SPATA21: variants seen among roughly 807,000 people sequenced by gnomAD.
SPATA21 encodes the protein spermatogenesis-associated protein 21.
Under a neutral mutation model 54.8 loss-of-function variants are expected in SPATA21, and 47 were observed. The ratio of observed to expected loss-of-function variants is 0.86; its 90% confidence interval spans 0.68 to 1.09. The LOEUF (loss-of-function observed/expected upper bound fraction) is 1.09, where lower values mean the gene tolerates loss of function less well. Among genes scored for constraint, SPATA21 ranks in the 50% least tolerant of loss-of-function variants. The pLI is 0.00. For missense variants in SPATA21, 599 were observed against 596.4 expected, an observed-to-expected ratio of 1.00 and a Z score of -0.05; for synonymous variants, 245 against 235.3, an observed-to-expected ratio of 1.04 and a Z score of -0.38.
chr1:16,424,400 T>C (rs1032814787), intron 3 of SPATA21, among the ~76,000 whole-genome samples: 3 of 151,308 alleles, frequency 2.0e-5, no homozygotes, highest in African/African-American at 7.3e-5. Context: ...CATATCTTTT[T>C]AAAATTTTTT....
chr1:16,430,473 GA>G (rs1557674186), intron 3 of SPATA21, among the ~76,000 whole-genome samples: 2 of 152,058 alleles, frequency 1.3e-5, no homozygotes, highest in Admixed American at 6.6e-5. Flanking sequence ...ATATTTGATG[GA>G]AAGAGGCTGA....
In SPATA21 at chr1:16,407,536, T is replaced by C. The variant is rs546894722; in HGVS notation, c.673+1582A>G. Among the ~76,000 whole-genome samples the C allele has an allele frequency of 9.3e-5, 14 of 151,202 alleles. No individual in the cohort carries two copies. The East Asian group carries it at 2.7e-3, about 30-fold the overall frequency. On this transcript the variant is annotated intron_variant, in intron 7 of 12. Coordinates refer to ENST00000335496, the MANE Select transcript of SPATA21 (RefSeq NM_198546.1). Reference sequence around the variant, plus strand: ...GTGCAGTAGCGCGATCTTGGCTCACTGCAACCTCCACTTCCCAGGTTCAAG... The same window carrying C: ...GTGCAGTAGCGCGATCTTGGCTCACCGCAACCTCCACTTCCCAGGTTCAAG...
chr1:16,399,627 G>A, intron 11 of SPATA21, 106 bp from the exon 12 acceptor site: 1 of 1,314,410 alleles, frequency 7.6e-7, no homozygotes, highest in Non-Finnish European at 1.0e-6. Context: ...TGACCTGAGT[G>A]GTTTGGGGCA....
chr1:16,408,405 A>G, intron 7 of SPATA21: 1 of 933,932 alleles, frequency 1.1e-6, no homozygotes, highest in Non-Finnish European at 1.3e-6. Flanking sequence ...TAGGATGGGC[A>G]GGGTTCCTGG....
intron 5 of SPATA21, among the ~76,000 whole-genome samples, chr1:16,411,771 C>T (rs534961368): frequency 3.1e-5 from 4 of 128,788 alleles, no homozygotes; most frequent in Admixed American, 1.8e-4. Context: ...GCCTGGGTGA[C>T]AGAGCAAGAC....
rs1478030727 is a variant in SPATA21 at position 16,421,524 on chromosome 1, C to T, written c.129G>A (p.Gly43=). Residue 43 remains glycine (G), a synonymous_variant, in exon 5 of 13, where the codon GGG becomes GGA. Transcript: ENST00000335496. The surrounding 1 kb of genome is among the most constrained non-coding windows in gnomAD (Gnocchi z 5.2). ...CCCTACTTACTGGTGGAGGAAGAGG[C>T]CCCGGTGCTGGGTGGGTCTCCACAG... is the stretch of plus-strand genomic sequence containing the variant. The part of the protein sequence containing the change: ...GEAVETHPAP[G]PLPPPEVRDI... 1.9e-6 allele frequency: 3 copies of T among 1,613,448 alleles called. No individual in the cohort carries two copies. Among genetic ancestry groups the T allele is most frequent in the South Asian group, 2.2e-5 (2 of 90,954 alleles).
At chr1:16,405,850 CTT>C (rs2085624646) in intron 7 of SPATA21, among the ~76,000 whole-genome samples, 1 of 152,212 alleles carries the variant, frequency 6.6e-6, no homozygotes, top group Non-Finnish European at 1.5e-5. Flanking sequence ...TAGGGACAGA[CTT>C]AGTCAGAAAA....
rs1272587131 is a variant in SPATA21 at position 16,400,783 on chromosome 1, T to G, written c.1111A>C (p.Ser371Arg). ...KLPYNPQQEE[S>R]SEVPERKVLS... is the part of the protein sequence containing the mutation. ...ACCTTTCGTTCTGGAACTTCTGAGC[T>G]CTCTTCTTGCTGGGGGTTGTAGGGA... is the stretch of plus-strand genomic sequence containing the variant. The change falls in exon 11 of 13, where the codon AGC becomes CGC. Residue 371 changes from serine to arginine, a missense_variant. Transcript: ENST00000335496. 1 of 1,613,734 alleles carries G rather than the reference T, an allele frequency of 6.2e-7. No homozygotes were observed. Among genetic ancestry groups the G allele is most frequent in the Admixed American group, 1.7e-5 (1 of 59,996 alleles).
At chr1:16,405,684 G>A (rs1231957211) in intron 7 of SPATA21, among the ~76,000 whole-genome samples, 1 of 151,938 alleles carries the variant, frequency 6.6e-6, no homozygotes, top group Non-Finnish European at 1.5e-5. Context: ...ATTTTGCAAT[G>A]GGGCTGAGAA....
At chr1:16,401,336 C>T (rs563891655) in intron 10 of SPATA21, among the ~76,000 whole-genome samples, 1 of 152,256 alleles carries the variant, frequency 6.6e-6, no homozygotes, top group Admixed American at 6.5e-5. Context: ...ACTCTGTTAC[C>T]CAGGCAGGAG....
At chr1:16,417,438 CT>C (rs550527293) in intron 5 of SPATA21, among the ~76,000 whole-genome samples, 5,299 of 124,636 alleles carry the variant, frequency 0.043, 95 homozygotes, top group African/African-American at 0.085. Context: ...TTTTTGTGGG[CT>C]TTTTTTTTTT....
At chr1:16,407,144 C>T (rs2085668382) in intron 7 of SPATA21, among the ~76,000 whole-genome samples, 1 of 152,202 alleles carries the variant, frequency 6.6e-6, no homozygotes, top group Non-Finnish European at 1.5e-5. Context: ...TGACAAACAG[C>T]GCTGAATGGT....
chr1:16,407,503 A>G (rs946397833), intron 7 of SPATA21, among the ~76,000 whole-genome samples: 1 of 152,170 alleles, frequency 6.6e-6, no homozygotes, highest in African/African-American at 2.4e-5. Context: ...TCTGTCACCC[A>G]GGCTGGAGTG....
At chr1:16,423,299 G>A (rs187772671) in intron 3 of SPATA21, among the ~76,000 whole-genome samples, 1 of 149,240 alleles carries the variant, frequency 6.7e-6, no homozygotes, top group Non-Finnish European at 1.5e-5. Context: ...TGTAATCCCA[G>A]CCACTCAGGA....
At chr1:16,425,357 T>C (rs2086292300) in intron 3 of SPATA21, 1 of 717,410 alleles carries the variant, frequency 1.4e-6, no homozygotes, top group African/African-American at 1.7e-5. Context: ...CATAGCTCAT[T>C]GTAGCCTTGA....
chr1:16,430,726 A>T (rs1362844445), intron 3 of SPATA21, among the ~76,000 whole-genome samples: 1 of 152,234 alleles, frequency 6.6e-6, no homozygotes, highest in African/African-American at 2.4e-5. Flanking sequence ...CATGGGGCTC[A>T]GTGGAGCCAC....
rs2085769139 is a variant in SPATA21 at position 16,409,675 on chromosome 1, G to T, written c.513C>A (p.Ala171=). 3 of 1,613,458 alleles carry T rather than the reference G, an allele frequency of 1.9e-6. No homozygotes were observed. The East Asian group carries it at 6.7e-5, about 36-fold the overall frequency. ...CCATCCTTCTCCAGCCCAGGTCCAG[G>T]GCAGGGCCCAGCAGGACAGGGCAAG... ...SMPCPVLLGP[A]LDLGWRRMEL... The change falls in exon 6 of 13, where the codon GCC becomes GCA. Residue 171 remains alanine (A), a synonymous_variant. Coordinates refer to ENST00000335496, the MANE Select transcript of SPATA21 (RefSeq NM_198546.1). This position sits in a 1 kb window ranked among gnomAD's most constrained non-coding sequence, Gnocchi z 4.1.
chr1:16,431,227 G>T, intron 3 of SPATA21, 111 bp downstream of exon 3: 1 of 1,600,158 alleles, frequency 6.2e-7, no homozygotes, highest in Non-Finnish European at 8.5e-7. Flanking sequence ...TCAGAACATG[G>T]GGTGCAGGTC....
intron 8 of SPATA21, 89 bp downstream of exon 8, chr1:16,404,878 T>C (rs2085577999): frequency 1.5e-6 from 2 of 1,365,354 alleles, no homozygotes; most frequent in East Asian, 5.3e-5. Flanking sequence ...CAGGATCCTT[T>C]AGGTGCAGAG....
Sources: allele counts gnomAD v4.1 joint callset (sites outside exome capture counted in the v4.1 genomes callset), GRCh38; gene constraint gnomAD v4.1.1; non-coding constraint Gnocchi (gnomAD v3.1); transcripts MANE v1.5; gene names NCBI Gene and HGNC (gene_info 2026-07-23, HGNC 2026-07-21).